Variants in PTPRR observed in about 807,000 individuals in gnomAD.
PTPRR encodes the protein protein tyrosine phosphatase receptor type R.
In PTPRR, 38 loss-of-function variants were observed where a neutral mutation model predicts 77.2. The observed-to-expected ratio is 0.49, with a 90% confidence interval of 0.38 to 0.65. PTPRR has a LOEUF of 0.65. PTPRR is among the 30% of genes least tolerant of loss of function. The pLI, the probability that PTPRR is intolerant of heterozygous loss-of-function variation, is 0.00. For synonymous variants in PTPRR, 299 were observed against 283.1 expected (o/e 1.06, Z -0.57); for missense variants, 744 against 799.2 (o/e 0.93, Z 0.83).
chr12:70,646,229 C>A (rs969047898), intron 13 of PTPRR, among the ~76,000 whole-genome samples: 1 of 152,106 alleles, frequency 6.6e-6, no homozygotes, highest in African/African-American at 2.4e-5. Context: ...TGTGCTTAGC[C>A]GGGGTCAGCT....
chr12:70,666,882 ACTTT>A (rs1887015411), intron 10 of PTPRR, among the ~76,000 whole-genome samples: 1 of 138,498 alleles, frequency 7.2e-6, no homozygotes, highest in African/African-American at 2.7e-5. Context: ...AAAATAAAAT[ACTTT>A]TTTTATGATT....
intron 9 of PTPRR, 136 bp from the exon 10 acceptor site, chr12:70,684,400 C>A: frequency 1.1e-6 from 1 of 910,958 alleles, no homozygotes; most frequent in Non-Finnish European, 1.6e-6. Flanking sequence ...GACTCTAGTA[C>A]AACAATTTCC....
intron 2 of PTPRR, among the ~76,000 whole-genome samples, chr12:70,783,141 T>G (rs1891239493): frequency 6.6e-6 from 1 of 152,108 alleles, no homozygotes; most frequent in African/African-American, 2.4e-5. Flanking sequence ...TCAGGAAGAA[T>G]GAGGTATGCA....
At chr12:70,718,507 C>T (rs1429744031) in intron 6 of PTPRR, among the ~76,000 whole-genome samples, 6 of 152,024 alleles carry the variant, frequency 3.9e-5, no homozygotes, top group Admixed American at 6.6e-5. Flanking sequence ...CCTCGTGATC[C>T]GCCTGCCTAG....
chr12:70,879,274 A>T lies in PTPRR; in HGVS notation c.357+13405T>A, dbSNP rs562129551. Among the ~76,000 whole-genome samples, 41 of 152,228 alleles carry T rather than the reference A, an allele frequency of 2.7e-4. No homozygotes were observed. In the South Asian group the frequency reaches 7.3e-3, roughly 27 times the overall value. ...AATTAAAAAGAAAAAAACGATATGTAAAACCAACTGATGGCACATTATATT... is the reference window on the plus strand; with the variant it reads ...AATTAAAAAGAAAAAAACGATATGTTAAACCAACTGATGGCACATTATATT... On this transcript the variant is annotated intron_variant, in intron 2 of 13. Transcript: ENST00000283228.
intron 1 of PTPRR, among the ~76,000 whole-genome samples, chr12:70,896,294 C>T (rs1299873323): frequency 6.6e-6 from 1 of 151,616 alleles, no homozygotes; most frequent in Non-Finnish European, 1.5e-5. Flanking sequence ...AAGATTTTAA[C>T]TGTTCCCTCT....
At chr12:70,810,698 G>T (rs758461807) in intron 2 of PTPRR, among the ~76,000 whole-genome samples, 1 of 152,146 alleles carries the variant, frequency 6.6e-6, no homozygotes, top group Non-Finnish European at 1.5e-5. Flanking sequence ...CAACTAGAAT[G>T]AGAATGCTCT....
intron 10 of PTPRR, chr12:70,672,913 G>T (rs143311597): frequency 1.3e-6 from 2 of 1,524,376 alleles, no homozygotes; most frequent in Middle Eastern, 1.8e-4. Context: ...CTCCCACTCA[G>T]CTTAGCCCAG....
At chr12:70,641,544 G>T (rs1349478896) in intron 13 of PTPRR, among the ~76,000 whole-genome samples, 1 of 152,210 alleles carries the variant, frequency 6.6e-6, no homozygotes, top group Non-Finnish European at 1.5e-5. Context: ...AAGTGGGGAA[G>T]ATGGAGAAGC....
intron 8 of PTPRR, among the ~76,000 whole-genome samples, chr12:70,685,350 A>C (rs1231140476): frequency 6.6e-6 from 1 of 151,940 alleles, no homozygotes; most frequent in East Asian, 1.9e-4. Context: ...AAAGATAAAC[A>C]TGATTCATTT....
At chr12:70,908,249 G>T (rs2137133780) in intron 1 of PTPRR, among the ~76,000 whole-genome samples, 1 of 152,258 alleles carries the variant, frequency 6.6e-6, no homozygotes, top group African/African-American at 2.4e-5. Context: ...CCATAGTAAT[G>T]ATACTACAGA....
At chr12:70,798,693 T>G (rs913946050) in intron 2 of PTPRR, among the ~76,000 whole-genome samples, 1 of 152,206 alleles carries the variant, frequency 6.6e-6, no homozygotes, top group African/African-American at 2.4e-5. Flanking sequence ...GATCTTGACT[T>G]AAATGTTCAT....
At chr12:70,901,969 A>G (rs1893542875) in intron 1 of PTPRR, among the ~76,000 whole-genome samples, 1 of 151,898 alleles carries the variant, frequency 6.6e-6, no homozygotes, top group Admixed American at 6.6e-5. Context: ...ATCAGCAAGA[A>G]CAAAACAAAC....
intron 2 of PTPRR, among the ~76,000 whole-genome samples, chr12:70,790,445 C>T (rs1891402483): frequency 1.3e-5 from 2 of 152,098 alleles, no homozygotes. Context: ...ATTGGCCATT[C>T]CTTTTCAAGT....
intron 2 of PTPRR, among the ~76,000 whole-genome samples, chr12:70,770,554 T>C (rs1890947307): frequency 6.6e-6 from 1 of 152,224 alleles, no homozygotes; most frequent in Non-Finnish European, 1.5e-5. Context: ...ACTTTTATAC[T>C]GTTGGTGGGA....
At chr12:70,898,990 C>T (rs959077068) in intron 1 of PTPRR, among the ~76,000 whole-genome samples, 1 of 151,236 alleles carries the variant, frequency 6.6e-6, no homozygotes, top group African/African-American at 2.4e-5. Flanking sequence ...ACGATCAAAT[C>T]CTTAAAACCA....
rs142182356 is a variant in PTPRR at position 70,900,705 on chromosome 12, G to A, written c.59-7728C>T. Among the ~76,000 whole-genome samples the A allele has an allele frequency of 3.5e-3, 533 of 151,492 alleles. 2 individuals carry two copies. The highest frequency in any genetic ancestry group is 5.6e-3 in the Non-Finnish European group (377 of 67,638). On this transcript the variant is annotated intron_variant, in intron 1 of 13. Transcript: ENST00000283228. ...AAAAAAATTAACCCAGTGAAAAGAT[G>A]GGCAAAAGATTTGAACAGATATTTC...
chr12:70,877,582 C>T (rs1189309933), intron 2 of PTPRR, among the ~76,000 whole-genome samples: 1 of 152,102 alleles, frequency 6.6e-6, no homozygotes, highest in Non-Finnish European at 1.5e-5. Context: ...CAAACCACTG[C>T]TGAATGAAAT....
intron 2 of PTPRR, among the ~76,000 whole-genome samples, chr12:70,799,927 T>C (rs1413932827): frequency 6.6e-6 from 1 of 152,076 alleles, no homozygotes; most frequent in Middle Eastern, 3.2e-3. Flanking sequence ...ATATTAATCA[T>C]ATTATAACGG....
Sources: gnomAD v4.1 joint callset for allele counts (sites outside exome capture counted in the v4.1 genomes callset) on GRCh38, gnomAD v4.1.1 for gene constraint, MANE v1.5 for transcripts, NCBI Gene and HGNC (gene_info 2026-07-23, HGNC 2026-07-21) for gene names.